Variants in ELMO1 observed in about 807,000 individuals in gnomAD.
The protein encoded by ELMO1 is engulfment and cell motility 1.
In ELMO1, 26 loss-of-function variants were observed where a neutral mutation model predicts 98.9. The ratio of observed to expected loss-of-function variants is 0.26; its 90% CI spans 0.19 to 0.36. ELMO1 has a LOEUF of 0.36. Ranked by LOEUF, ELMO1 falls within the 10% of genes least tolerant of loss-of-function variation. The pLI is 1.00. For missense variants in ELMO1, 627 were observed against 935.2 expected, an observed-to-expected ratio of 0.67 and a Z score of 4.30; for synonymous variants, 346 against 346.0, an observed-to-expected ratio of 1.00 and a Z score of 0.00.
intron 1 of ELMO1, chr7:37,429,185 A>G (rs1804829291): frequency 6.6e-6 from 1 of 152,186 alleles, no homozygotes; most frequent in African/African-American, 2.4e-5. Flanking sequence ...CACCTCCTTC[A>G]GTGATTCCAC....
chr7:37,206,353 T>A (rs370248488), intron 13 of ELMO1, among the ~76,000 whole-genome samples: 3 of 152,192 alleles, frequency 2.0e-5, no homozygotes, highest in South Asian at 4.1e-4. Context: ...ATTGGTAGAG[T>A]CAGAAATCGA....
chr7:37,079,473 C>T (rs950086126), intron 15 of ELMO1, among the ~76,000 whole-genome samples: 19 of 152,202 alleles, frequency 1.2e-4, no homozygotes, highest in African/African-American at 3.9e-4. Context: ...AAAGCCTCCT[C>T]TTCACTATCT....
intron 21 of ELMO1, among the ~76,000 whole-genome samples, chr7:36,861,078 AC>A (rs1382986267): frequency 2.6e-5 from 4 of 152,244 alleles, no homozygotes; most frequent in African/African-American, 9.6e-5. Context: ...ATCAGCCATA[AC>A]TGCTACTTTA....
intron 1 of ELMO1, among the ~76,000 whole-genome samples, chr7:37,403,532 A>G (rs1402561202): frequency 6.6e-6 from 1 of 151,572 alleles, no homozygotes; most frequent in East Asian, 2.0e-4. Context: ...ACACGGTGCA[A>G]CTGTCTTTCT....
chr7:36,880,489 C>T (rs960276512), intron 18 of ELMO1, among the ~76,000 whole-genome samples: 4 of 152,102 alleles, frequency 2.6e-5, no homozygotes, highest in Non-Finnish European at 4.4e-5. Context: ...TGTAAGACTT[C>T]GAAAATTTTG....
intron 15 of ELMO1, among the ~76,000 whole-genome samples, chr7:37,015,791 A>C (rs764933654): frequency 1.4e-4 from 21 of 152,118 alleles, no homozygotes; most frequent in Non-Finnish European, 2.2e-4. Flanking sequence ...CAGGAATGTG[A>C]GTTTTTCTGT....
chr7:37,056,448 T>C (rs1796395250), intron 15 of ELMO1, among the ~76,000 whole-genome samples: 1 of 152,166 alleles, frequency 6.6e-6, no homozygotes, highest in Non-Finnish European at 1.5e-5. Flanking sequence ...CATGCTCCAT[T>C]AGGATGCAGT....
chr7:37,374,561 C>T (rs970250726), intron 1 of ELMO1, among the ~76,000 whole-genome samples: 1 of 151,864 alleles, frequency 6.6e-6, no homozygotes, highest in Non-Finnish European at 1.5e-5. Context: ...ACCATCCTGG[C>T]TACTATGGCG....
intron 13 of ELMO1, among the ~76,000 whole-genome samples, chr7:37,172,115 T>C (rs1790207093): frequency 6.6e-6 from 1 of 152,188 alleles, no homozygotes; most frequent in Admixed American, 6.5e-5. Flanking sequence ...TAAGAAAATG[T>C]TCAAAGACAG....
rs1055449527 is a variant in ELMO1 at position 36,938,796 on chromosome 7, A to G, written c.1438-43779T>C. ...TGTCATCAATGGCTACCTAGAATGT[A>G]AGGTCCATGAGAGAGATTTTTTTGT... On this transcript the variant is annotated intron_variant, in intron 16 of 21. Transcript: ENST00000310758. 5.3e-5 allele frequency among the ~76,000 whole-genome samples: 8 copies of G among 150,844 alleles called. No homozygotes were observed. In the Admixed American group the frequency reaches 5.3e-4, roughly 10 times the overall value.
intron 1 of ELMO1, among the ~76,000 whole-genome samples, chr7:37,440,032 C>T (rs1805332579): frequency 6.6e-6 from 1 of 151,926 alleles, no homozygotes; most frequent in Admixed American, 6.6e-5. Flanking sequence ...ATGTACAAAG[C>T]ACTTATTATT....
At chr7:37,327,448 G>C (rs1799877588) in intron 2 of ELMO1, among the ~76,000 whole-genome samples, 1 of 152,220 alleles carries the variant, frequency 6.6e-6, no homozygotes, top group African/African-American at 2.4e-5. Flanking sequence ...AATAAGCCCT[G>C]AAGGCAAAGT....
chr7:37,411,078 G>A (rs1358474053), intron 1 of ELMO1, among the ~76,000 whole-genome samples: 2 of 152,198 alleles, frequency 1.3e-5, no homozygotes, highest in African/African-American at 4.8e-5. Flanking sequence ...ACAAGAAGTA[G>A]TATAACATTT....
intron 15 of ELMO1, among the ~76,000 whole-genome samples, chr7:37,048,510 C>T (rs1795923498): frequency 6.6e-6 from 1 of 152,190 alleles, no homozygotes; most frequent in Admixed American, 6.5e-5. Context: ...GACTCTGACT[C>T]CTTGGTACCA....
intron 13 of ELMO1, among the ~76,000 whole-genome samples, chr7:37,193,913 G>C (rs1250393952): frequency 1.3e-5 from 2 of 152,122 alleles, no homozygotes; most frequent in Non-Finnish European, 2.9e-5. Context: ...CCCACTCTAG[G>C]CTTCAGCAAA....
intron 16 of ELMO1, among the ~76,000 whole-genome samples, chr7:37,009,965 C>T (rs1416808393): frequency 1.3e-5 from 2 of 152,164 alleles, no homozygotes; most frequent in Non-Finnish European, 2.9e-5. Flanking sequence ...TCTCTCTTCT[C>T]CAACTTATTA....
At chr7:37,117,794 C>G (rs1219704108) in intron 14 of ELMO1, among the ~76,000 whole-genome samples, 1 of 152,182 alleles carries the variant, frequency 6.6e-6, no homozygotes, top group Non-Finnish European at 1.5e-5. Context: ...AGAATCATTT[C>G]AAACTCAAAC....
chr7:37,344,026 A>T (rs1338995724), intron 1 of ELMO1, among the ~76,000 whole-genome samples: 1 of 136,752 alleles, frequency 7.3e-6, no homozygotes, highest in Non-Finnish European at 1.5e-5. Context: ...TTTATATAAA[A>T]GGCAGCATTT....
At chr7:36,976,012 T>C (rs1046651645) in intron 16 of ELMO1, among the ~76,000 whole-genome samples, 2 of 152,218 alleles carry the variant, frequency 1.3e-5, no homozygotes, top group South Asian at 2.1e-4. Context: ...TAGGGGTCAA[T>C]AGGATTTATG....
Sources: allele counts gnomAD v4.1 joint callset (sites outside exome capture counted in the v4.1 genomes callset), GRCh38; gene constraint gnomAD v4.1.1; transcripts MANE v1.5; gene names NCBI Gene and HGNC (gene_info 2026-07-23, HGNC 2026-07-21).